PHEX: variants seen among roughly 807,000 people sequenced by gnomAD.
PHEX encodes phosphate-regulating neutral endopeptidase PHEX.
In PHEX, 16 loss-of-function variants were observed where a neutral mutation model predicts 68.0. The observed-to-expected ratio is 0.24, with a 90% CI of 0.16 to 0.36. PHEX has a LOEUF of 0.36. Among genes scored for constraint, PHEX ranks in the 10% least tolerant of loss-of-function variants. The probability of loss-of-function intolerance (pLI) is 1.00; values close to 1 mark genes in which losing one functional copy is unlikely to be tolerated. For synonymous variants in PHEX, 208 were observed against 205.1 expected, an observed-to-expected ratio of 1.01 and a Z score of -0.12; for missense variants, 480 against 575.5, an observed-to-expected ratio of 0.83 and a Z score of 1.70.
intron 3 of PHEX, among the ~76,000 whole-genome samples, chrX:22,054,477 A>C (rs979107149): frequency 8.9e-6 from 1 of 111,787 alleles, no homozygotes; most frequent in Non-Finnish European, 1.9e-5. Flanking sequence ...AGACTAGCAA[A>C]TGTGGGGATG....
At chrX:22,045,380 T>C (rs1927481892) in intron 2 of PHEX, among the ~76,000 whole-genome samples, 2 of 111,319 alleles carry the variant, frequency 1.8e-5, no homozygotes, top group South Asian at 7.3e-4. Flanking sequence ...CTTTTCAATG[T>C]CATTAAAATA....
intron 15 of PHEX, among the ~76,000 whole-genome samples, chrX:22,206,749 A>G (rs1003533008): frequency 2.7e-5 from 3 of 111,511 alleles, no homozygotes; most frequent in African/African-American, 9.8e-5. Flanking sequence ...GTCCTTCTAT[A>G]CAGTGTGAAT....
intron 12 of PHEX, among the ~76,000 whole-genome samples, chrX:22,156,210 C>T (rs1466135584): frequency 9.0e-6 from 1 of 110,597 alleles, no homozygotes; most frequent in African/African-American, 3.3e-5. Context: ...TTTTAAGGGA[C>T]AATAAATGGT....
At chrX:22,080,846 A>G (rs769376039) in intron 5 of PHEX, among the ~76,000 whole-genome samples, 34 of 111,750 alleles carry the variant, frequency 3.0e-4, no homozygotes, top group Non-Finnish European at 5.8e-4. Flanking sequence ...CACTTTTCCC[A>G]TGTGTACGGA....
At position 22,047,076 on chromosome X, in the gene PHEX, C is replaced by G; in HGVS notation, c.214C>G (p.Leu72Val). The G allele has an allele frequency of 8.3e-7, 1 of 1,209,474 alleles. No individual in the cohort carries two copies. Among genetic ancestry groups the G allele is most frequent in the Non-Finnish European group, 1.1e-6 (1 of 893,385 alleles). The stretch of plus-strand genomic sequence containing the variant: ...TGCTGCCATCTTAAGTAAAGTAAAT[C>G]TGTCTGTGGATCCTTGTGATAATTT... ...AAAAILSKVN[L>V]SVDPCDNFFR... The change falls in exon 3 of 22, where the codon CTG becomes GTG. Residue 72 changes from leucine (L) to valine (V), a missense_variant. Coordinates refer to ENST00000379374, the MANE Select transcript of PHEX (RefSeq NM_000444.6).
chrX:22,152,879 T>G (rs1325412516), intron 12 of PHEX, among the ~76,000 whole-genome samples: 1 of 112,169 alleles, frequency 8.9e-6, no homozygotes, highest in East Asian at 2.8e-4. Context: ...TACGATATAG[T>G]GCAGTAAAAA....
At chrX:22,130,167 C>A (rs993823670) in intron 11 of PHEX, among the ~76,000 whole-genome samples, 2 of 111,709 alleles carry the variant, frequency 1.8e-5, no homozygotes, top group African/African-American at 6.5e-5. Context: ...ATTGCCCCTC[C>A]CTAATTTGGG....
chrX:22,209,693 C>G (rs116389461), intron 15 of PHEX, among the ~76,000 whole-genome samples: 48 of 81,230 alleles, frequency 5.9e-4, no homozygotes, highest in Non-Finnish European at 1.2e-3. Context: ...TCCTCCCTCT[C>G]CTCCCTCTCC....
intron 16 of PHEX, 53 bp from the exon 17 acceptor site, chrX:22,218,983 T>C (rs1935178969): frequency 1.2e-6 from 1 of 842,048 alleles, no homozygotes; most frequent in Admixed American, 2.2e-5. Flanking sequence ...TAAAGGATTA[T>C]GCTCTGAGAT....
At chrX:22,235,835 T>C (rs920808421) in intron 20 of PHEX, among the ~76,000 whole-genome samples, 1 of 107,600 alleles carries the variant, frequency 9.3e-6, no homozygotes, top group African/African-American at 3.4e-5. Context: ...ACTTCAGCAT[T>C]TTTTTTTTTA....
intron 5 of PHEX, among the ~76,000 whole-genome samples, chrX:22,079,278 T>C (rs1033135315): frequency 8.9e-6 from 1 of 111,929 alleles, no homozygotes; most frequent in Admixed American, 9.5e-5. Context: ...TGCTTTAAAC[T>C]TTTTATTATT....
At chrX:22,094,162 T>C in intron 7 of PHEX, 63 bp downstream of exon 7, 1 of 658,776 alleles carries the variant, frequency 1.5e-6, no homozygotes, top group South Asian at 2.2e-5. Flanking sequence ...TTACTTTCTT[T>C]TCCTTTCCTT....
chrX:22,199,067 T>C (rs1404186352), intron 15 of PHEX, among the ~76,000 whole-genome samples: 1 of 111,610 alleles, frequency 9.0e-6, no homozygotes, highest in African/African-American at 3.3e-5. Flanking sequence ...TATGATTTAA[T>C]TACCTCCCAC....
At chrX:22,168,439 C>A in intron 13 of PHEX, 50 bp downstream of exon 13, 1 of 827,472 alleles carries the variant, frequency 1.2e-6, no homozygotes, top group Non-Finnish European at 1.8e-6. Context: ...GTTTTACTGG[C>A]CTTGTGCCTT....
At chrX:22,060,674 G>C (rs1928321906) in intron 3 of PHEX, among the ~76,000 whole-genome samples, 1 of 111,831 alleles carries the variant, frequency 8.9e-6, no homozygotes, top group Non-Finnish European at 1.9e-5. Flanking sequence ...CTGTGAGTTA[G>C]CTTGAATGTT....
intron 20 of PHEX, among the ~76,000 whole-genome samples, chrX:22,239,910 G>A (rs1005707830): frequency 3.6e-5 from 4 of 111,069 alleles, no homozygotes; most frequent in Non-Finnish European, 7.5e-5. Context: ...AATATTCCTC[G>A]AAAAGAGCAA....
At chrX:22,107,665 C>T (rs952479160) in intron 9 of PHEX, among the ~76,000 whole-genome samples, 9 of 112,065 alleles carry the variant, frequency 8.0e-5, no homozygotes, top group Non-Finnish European at 1.3e-4. Context: ...TTTAACCTTT[C>T]GGCATGCTTC....
At chrX:22,144,136 T>C (rs1031297427) in intron 12 of PHEX, among the ~76,000 whole-genome samples, 5 of 111,229 alleles carry the variant, frequency 4.5e-5, no homozygotes, top group African/African-American at 1.6e-4. Flanking sequence ...TGTCCCTATT[T>C]TTACTGAGTG....
chrX:22,227,093 A>ATACTT (rs1360531237), intron 19 of PHEX, among the ~76,000 whole-genome samples: 2 of 112,543 alleles, frequency 1.8e-5, no homozygotes, highest in Non-Finnish European at 3.8e-5. Context: ...TAGTTGAAAT[A>ATACTT]TACTTTATTT....
Sources: gnomAD v4.1 joint callset for allele counts (sites outside exome capture counted in the v4.1 genomes callset) on GRCh38, gnomAD v4.1.1 for gene constraint, MANE v1.5 for transcripts, NCBI Gene and HGNC (gene_info 2026-07-23, HGNC 2026-07-21) for gene names.